Variants in IGSF10 observed in about 807,000 individuals in gnomAD.
The protein encoded by IGSF10 is calvaria mechanical force protein 608.
IGSF10 carries 126 observed loss-of-function variants against 128.2 expected under a neutral mutation model. That is an observed-to-expected ratio of 0.98 (90% confidence interval 0.85 to 1.14). The LOEUF is 1.14. IGSF10 is among the 50% of genes most tolerant of loss of function. IGSF10 has a pLI of 0.00. For missense variants in IGSF10, 3,295 were observed against 3,149.8 expected (o/e 1.05, Z -1.10); for synonymous variants, 1,185 against 1,146.2 (o/e 1.03, Z -0.68).
chr3:151,464,932 A>G (rs1040238072), upstream of IGSF10, among the ~76,000 whole-genome samples: 1 of 152,206 alleles, frequency 6.6e-6, no homozygotes, highest in Admixed American at 6.5e-5. Context: ...CTTTATATAT[A>G]GTATTCCAGA....
At position 151,436,798 on chromosome 3, in the gene IGSF10, C is replaced by A; in HGVS notation, c.7763G>T (p.Gly2588Val). ...THGSEQLHLQGTLVIQNPQTS... is the reference protein window; with the variant it reads ...THGSEQLHLQVTLVIQNPQTS... ...TTGGGGATTCTGAATGACTAGGGTA[C>A]CTTGTAAGTGAAGCTGCTCACTTCC... Residue 2588 changes from glycine to valine, a missense_variant, in exon 8 of 8, where the codon GGT becomes GTT. Coordinates refer to ENST00000282466, the MANE Select transcript of IGSF10 (RefSeq NM_178822.5). The A allele has an allele frequency of 6.2e-7, 1 of 1,614,104 alleles. No homozygotes were observed. Among genetic ancestry groups the A allele is most frequent in the East Asian group, 2.2e-5 (1 of 44,878 alleles).
chr3:151,505,510 G>C, the IGSF10 span, among the ~76,000 whole-genome samples: 2 of 152,162 alleles, frequency 1.3e-5, no homozygotes, highest in Non-Finnish European at 2.9e-5. Context: ...AATAGAACTG[G>C]TTTCAAAATT....
chr3:151,508,850 T>C, the IGSF10 span, among the ~76,000 whole-genome samples: 3 of 152,208 alleles, frequency 2.0e-5, no homozygotes, highest in African/African-American at 7.2e-5. Flanking sequence ...AACGTTATTA[T>C]ATATGTTTCA....
chr3:151,537,390 A>C, the IGSF10 span, among the ~76,000 whole-genome samples: 2 of 152,202 alleles, frequency 1.3e-5, no homozygotes, highest in Non-Finnish European at 2.9e-5. Flanking sequence ...AAAATTATAG[A>C]GAAATATTGA....
At chr3:151,461,323 G>T (rs2108584390), upstream of IGSF10, 1 of 985,328 alleles carries the variant, frequency 1.0e-6, no homozygotes, top group East Asian at 1.1e-4. Context: ...TTGACAGGTG[G>T]GCCTTTTGGT....
chr3:151,505,445 A>G, the IGSF10 span, among the ~76,000 whole-genome samples: 7 of 152,202 alleles, frequency 4.6e-5, no homozygotes, highest in Non-Finnish European at 7.3e-5. Context: ...GAACAATTCA[A>G]TGAGATTTGC....
At chr3:151,514,918 A>T in the IGSF10 span, among the ~76,000 whole-genome samples, 2 of 152,210 alleles carry the variant, frequency 1.3e-5, no homozygotes, top group African/African-American at 4.8e-5. Flanking sequence ...CCACAATGAG[A>T]TACCATTTCC....
At chr3:151,496,556 G>GTGTATATGTGTCACA in the IGSF10 span, among the ~76,000 whole-genome samples, 1 of 34,908 alleles carries the variant, frequency 2.9e-5, no homozygotes, top group Admixed American at 3.0e-4. Context: ...GTATTCCATG[G>GTGTATATGTGTCACA]TTTCCTTAAT....
chr3:151,442,881 C>T (rs371817294), intron 7 of IGSF10, 103 bp downstream of exon 7: 10 of 999,416 alleles, frequency 1.0e-5, no homozygotes, highest in African/African-American at 9.7e-5. Context: ...TCTATGTGTA[C>T]TCTAAAACTG....
chr3:151,447,795 C>T lies in IGSF10; in HGVS notation c.2186G>A (p.Arg729His), dbSNP rs759983914. ...AAAACGTCGATGTGTTGAATCTCCA[C>T]GTCGCTGGAGTGTTAATTCCCGATA... ...HNYRELTLQRRGDSTHRRFRE... is the reference protein window; with the variant it reads ...HNYRELTLQRHGDSTHRRFRE... Residue 729 changes from arginine to histidine, a missense_variant, in exon 6 of 8, where the codon CGT (arginine) becomes CAT (histidine). Coordinates refer to ENST00000282466, the MANE Select transcript of IGSF10 (RefSeq NM_178822.5). 1.4e-5 allele frequency: 23 copies of T among 1,614,044 alleles called. No homozygotes were observed. Among genetic ancestry groups the T allele is most frequent in the South Asian group, 6.6e-5 (6 of 91,082 alleles).
At chr3:151,481,056 C>A in the IGSF10 span, among the ~76,000 whole-genome samples, 1 of 152,090 alleles carries the variant, frequency 6.6e-6, no homozygotes, top group African/African-American at 2.4e-5. Context: ...GAGCTCTAGC[C>A]CATCAGAACA....
chr3:151,440,115 C>A lies in IGSF10; in HGVS notation c.5964-1518G>T, dbSNP rs113000613. ...GTGAGATCACGGCTCACTGCAGTCTCAACCTCCCAGGTTCAAGCAATCCAC... is the reference window on the plus strand; with the variant it reads ...GTGAGATCACGGCTCACTGCAGTCTAAACCTCCCAGGTTCAAGCAATCCAC... On this transcript the variant is annotated intron_variant, in intron 7 of 7. Coordinates refer to ENST00000282466, the MANE Select transcript of IGSF10 (RefSeq NM_178822.5). Among the ~76,000 whole-genome samples the A allele has an allele frequency of 5.5e-3, 841 of 152,280 alleles. 4 individuals are homozygous for A. Among genetic ancestry groups the A allele is most frequent in the South Asian group, 0.013 (61 of 4,816 alleles).
chr3:151,474,998 C>T, the IGSF10 span, among the ~76,000 whole-genome samples: 1 of 152,164 alleles, frequency 6.6e-6, no homozygotes. Context: ...GGGACACAGC[C>T]AAACCATATC....
rs775313750 is a variant in IGSF10, at chr3:151,437,335, T to A, written c.7226A>T (p.Tyr2409Phe). The change falls in exon 8 of 8, where the codon TAT becomes TTT. Residue 2409 changes from tyrosine to phenylalanine, a missense_variant. Transcript: ENST00000282466. The part of the protein sequence containing the change: ...SKTTREDAGK[Y>F]RCAARNKVGY... ...AACTTTATTCCTAGCTGCACAGCGATATTTTCCTGCATCCTCCCGAGTTGT... is the reference window on the plus strand; with the variant it reads ...AACTTTATTCCTAGCTGCACAGCGAAATTTTCCTGCATCCTCCCGAGTTGT... The A allele has an allele frequency of 1.9e-6, 3 of 1,614,124 alleles. No individual in the cohort carries two copies. Among genetic ancestry groups the A allele is most frequent in the African/African-American group, 2.7e-5 (2 of 74,946 alleles).
the IGSF10 span, chr3:151,565,967 G>T: frequency 1.3e-5 from 2 of 152,582 alleles, no homozygotes. Flanking sequence ...TAGAAATCAG[G>T]TGAGAGGGTC....
At chr3:151,438,799 GAT>G (rs556812838) in intron 7 of IGSF10, among the ~76,000 whole-genome samples, 2,440 of 144,860 alleles carry the variant, frequency 0.017, 74 homozygotes, top group African/African-American at 0.06. Context: ...ACATATTTGA[GAT>G]ATATATATAT....
chr3:151,459,079 T>C (rs1721937972), intron 2 of IGSF10, among the ~76,000 whole-genome samples: 1 of 152,226 alleles, frequency 6.6e-6, no homozygotes, highest in Admixed American at 6.5e-5. Context: ...TTAATTCTTT[T>C]AGAGTAACTT....
Position 151,445,027 on chromosome 3 carries a change from C to T in IGSF10, c.4954G>A (p.Gly1652Arg), listed in dbSNP as rs769715610. ...ATAGTAAAACTTGCAGCTTTTCCTC[C>T]AACTATCCTGGGCTTTTCAAATATA... ...RYIFEKPRIV[G>R]GKAASFTIPA... is the part of the protein sequence containing the mutation. The change falls in exon 6 of 8, where the codon GGA becomes AGA. Residue 1652 changes from glycine to arginine, a missense_variant. Physicochemically the swap from Gly to Arg is moderately radical, Grantham distance 125. Transcript: ENST00000282466. The T allele has an allele frequency of 3.1e-6, 5 of 1,614,162 alleles. No individual in the cohort carries two copies. In the Admixed American group the frequency reaches 8.3e-5, roughly 27 times the overall value.
intron 2 of IGSF10, 114 bp downstream of exon 2, chr3:151,460,147 G>C (rs1176525915): frequency 5.8e-6 from 1 of 173,588 alleles, no homozygotes; most frequent in Admixed American, 6.5e-5. Flanking sequence ...TTCTGGGTAT[G>C]CCCACGTTCA....
Sources: gnomAD v4.1 joint callset for allele counts (sites outside exome capture counted in the v4.1 genomes callset) on GRCh38, gnomAD v4.1.1 for gene constraint, MANE v1.5 for transcripts, NCBI Gene and HGNC (gene_info 2026-07-23, HGNC 2026-07-21) for gene names.